The following SAMD12 variants were observed in gnomAD, a reference collection of about 807,000 sequenced individuals.
The protein encoded by SAMD12 is sterile alpha motif domain-containing protein 12.
SAMD12 carries 9 observed loss-of-function variants against 15.0 expected under a neutral mutation model. The ratio of observed to expected loss-of-function variants is 0.60; its 90% CI spans 0.36 to 1.05. The LOEUF is 1.05. Among genes scored for constraint, SAMD12 ranks in the 50% least tolerant of loss-of-function variants. The probability of loss-of-function intolerance (pLI) is 0.01; values close to 1 mark genes in which losing one functional copy is unlikely to be tolerated. For missense variants in SAMD12, 230 were observed against 234.2 expected, an observed-to-expected ratio of 0.98 and a Z score of 0.12; for synonymous variants, 86 against 90.1, an observed-to-expected ratio of 0.96 and a Z score of 0.25.
chr8:118,289,955 C>A (rs1328744338), intron 4 of SAMD12, among the ~76,000 whole-genome samples: 1 of 152,128 alleles, frequency 6.6e-6, no homozygotes, highest in Non-Finnish European at 1.5e-5. Flanking sequence ...CAAAATTATT[C>A]ATTCAAGAGA....
At chr8:118,583,457 A>C (rs1201943529) in intron 1 of SAMD12, among the ~76,000 whole-genome samples, 4 of 152,144 alleles carry the variant, frequency 2.6e-5, no homozygotes, top group Non-Finnish European at 5.9e-5. Flanking sequence ...GACATTAATG[A>C]AGAAAAGAAA....
chr8:118,339,518 A>G (rs1011650652), intron 4 of SAMD12, among the ~76,000 whole-genome samples: 1 of 152,148 alleles, frequency 6.6e-6, no homozygotes, highest in Admixed American at 6.5e-5. Context: ...AAATCAAGCA[A>G]AACTCTGGTG....
chr8:118,550,352 A>G (rs951225295), intron 2 of SAMD12, among the ~76,000 whole-genome samples: 9 of 152,204 alleles, frequency 5.9e-5, no homozygotes, highest in South Asian at 2.1e-4. Context: ...CTACAAGCCA[A>G]AAGAGAGTGG....
intron 2 of SAMD12, among the ~76,000 whole-genome samples, chr8:118,508,057 C>A (rs145962411): frequency 0.024 from 3,454 of 142,734 alleles, 115 homozygotes; most frequent in African/African-American, 0.079. Context: ...GCAGTGGTGC[C>A]ATCATAGCTC....
At chr8:118,559,395 TATC>T (rs1218598852) in intron 2 of SAMD12, among the ~76,000 whole-genome samples, 4 of 152,322 alleles carry the variant, frequency 2.6e-5, no homozygotes, top group African/African-American at 9.6e-5. Context: ...TAACACCTAA[TATC>T]AGCCCTCTAG....
chr8:118,614,110 T>C (rs1429396721), intron 1 of SAMD12, among the ~76,000 whole-genome samples: 2 of 152,144 alleles, frequency 1.3e-5, no homozygotes, highest in East Asian at 3.9e-4. Flanking sequence ...CAGACTGTAA[T>C]ATCATGGGGC....
At chr8:118,392,122 G>T (rs73327539) in intron 3 of SAMD12, among the ~76,000 whole-genome samples, 4,443 of 152,230 alleles carry the variant, frequency 0.029, 202 homozygotes, top group African/African-American at 0.097. Context: ...TACTCACAGC[G>T]GTAAGCACAA....
chr8:118,491,602 A>C (rs914996900), intron 2 of SAMD12, among the ~76,000 whole-genome samples: 1 of 152,132 alleles, frequency 6.6e-6, no homozygotes, highest in African/African-American at 2.4e-5. Flanking sequence ...TATTTCTTCT[A>C]ATCAATCCCT....
intron 4 of SAMD12, among the ~76,000 whole-genome samples, chr8:118,258,465 T>C (rs947937714): frequency 4.6e-5 from 7 of 152,066 alleles, no homozygotes; most frequent in African/African-American, 1.7e-4. Context: ...TTGTTATTAT[T>C]TGAGTGCCTA....
intron 2 of SAMD12, among the ~76,000 whole-genome samples, chr8:118,548,390 C>T (rs1395003651): frequency 6.8e-5 from 4 of 59,076 alleles, no homozygotes; most frequent in African/African-American, 1.5e-4. Flanking sequence ...CACATACACA[C>T]ACACACACAC....
chr8:118,349,970 A>G (rs1041185238), intron 4 of SAMD12, among the ~76,000 whole-genome samples: 1 of 152,098 alleles, frequency 6.6e-6, no homozygotes, highest in Non-Finnish European at 1.5e-5. Flanking sequence ...TCTACAAAAA[A>G]TTGAAAAGCT....
At chr8:118,147,051 G>A in the SAMD12 span, among the ~76,000 whole-genome samples, 5 of 151,080 alleles carry the variant, frequency 3.3e-5, no homozygotes, top group South Asian at 2.1e-4. Context: ...TTGAGACAGA[G>A]TCTCATTCTG....
the SAMD12 span, among the ~76,000 whole-genome samples, chr8:118,144,968 G>A: frequency 1.3e-5 from 2 of 152,192 alleles, no homozygotes; most frequent in South Asian, 2.1e-4. Flanking sequence ...CAAGGAGTTT[G>A]CAATCTAGTG....
At chr8:118,512,894 T>C (rs1825125378) in intron 2 of SAMD12, among the ~76,000 whole-genome samples, 1 of 152,260 alleles carries the variant, frequency 6.6e-6, no homozygotes, top group Admixed American at 6.5e-5. Flanking sequence ...TCAGTTTTAA[T>C]GATTCCTCTT....
intron 2 of SAMD12, among the ~76,000 whole-genome samples, chr8:118,545,153 A>G (rs912546970): frequency 2.0e-5 from 3 of 152,196 alleles, no homozygotes; most frequent in African/African-American, 4.8e-5. Flanking sequence ...ATGTATAAAC[A>G]TGCACACATA....
At chr8:118,284,547 G>C (rs1307347760) in intron 4 of SAMD12, 1 of 335,716 alleles carries the variant, frequency 3.0e-6, no homozygotes, top group African/African-American at 2.2e-5. Context: ...ACTGGAAATG[G>C]TGATGTGAAA....
intron 2 of SAMD12, among the ~76,000 whole-genome samples, chr8:118,504,830 G>T (rs1378631942): frequency 1.3e-5 from 2 of 152,178 alleles, no homozygotes; most frequent in African/African-American, 4.8e-5. Flanking sequence ...ACTAGAAGAG[G>T]CAAGGGACAG....
intron 1 of SAMD12, among the ~76,000 whole-genome samples, chr8:118,596,142 G>A (rs1049764279): frequency 6.6e-5 from 10 of 152,302 alleles, no homozygotes; most frequent in African/African-American, 2.4e-4. Context: ...CACACACTTT[G>A]TTTACACAGC....
At chr8:118,458,801 T>C (rs55666480) in intron 2 of SAMD12, among the ~76,000 whole-genome samples, 29,836 of 152,124 alleles carry the variant, frequency 0.2, 4,039 homozygotes, top group African/African-American at 0.39. Flanking sequence ...ATAATTTGTT[T>C]TAGAGTCAAA....
Sources: gnomAD v4.1 joint callset for allele counts (sites outside exome capture counted in the v4.1 genomes callset) on GRCh38, gnomAD v4.1.1 for gene constraint, MANE v1.5 for transcripts, NCBI Gene and HGNC (gene_info 2026-07-23, HGNC 2026-07-21) for gene names.